CLUL1: variants seen among roughly 807,000 people sequenced by gnomAD.
CLUL1 encodes clusterin like 1, also known as clusterin-like protein 1.
CLUL1 carries 43 observed loss-of-function variants against 49.4 expected under a neutral mutation model. The observed-to-expected ratio is 0.87, with a 90% CI of 0.68 to 1.12. The LOEUF (loss-of-function observed/expected upper bound fraction) is 1.12. CLUL1 is among the 50% of genes most tolerant of loss of function. The pLI, the probability that CLUL1 is intolerant of heterozygous loss-of-function variation, is 0.00. For synonymous variants in CLUL1, 192 were observed against 184.9 expected (o/e 1.04, Z -0.31); for missense variants, 486 against 544.4 (o/e 0.89, Z 1.07).
At chr18:600,085 T>C (rs1299116904) in intron 1 of CLUL1, among the ~76,000 whole-genome samples, 1 of 152,190 alleles carries the variant, frequency 6.6e-6, no homozygotes, top group African/African-American at 2.4e-5. Context: ...TGTTGTTAGA[T>C]GGATGATCAC....
At chr18:635,376 G>A (rs959326156) in intron 7 of CLUL1, among the ~76,000 whole-genome samples, 2 of 152,142 alleles carry the variant, frequency 1.3e-5, no homozygotes, top group Admixed American at 6.5e-5. Flanking sequence ...GACAGCAGGC[G>A]GGGCTCAGGC....
chr18:634,265 G>A (rs1476781760), intron 7 of CLUL1, among the ~76,000 whole-genome samples: 3 of 152,106 alleles, frequency 2.0e-5, no homozygotes, highest in African/African-American at 7.2e-5. Flanking sequence ...AAGTAGCTGG[G>A]ATTACAGGCA....
Position 641,569 on chromosome 18 carries a change from G to A in CLUL1, c.1209+28G>A, listed in dbSNP as rs116096238. 2.9e-3 allele frequency: 4,525 copies of A among 1,567,668 alleles called. 104 individuals carry two copies. In the African/African-American group the frequency reaches 0.048, roughly 17 times the overall value. ...AAAGGAGAGACCCAAGAGCAGATAC[G>A]GAAATGACACGTGCATACCTTGATT... On this transcript the variant is annotated intron_variant, in intron 8 of 9. Coordinates refer to ENST00000692774, the MANE Select transcript of CLUL1 (RefSeq NM_001393344.1).
At chr18:649,806 A>G in intron 9 of CLUL1, 92 bp from the exon 10 acceptor site, 1 of 852,796 alleles carries the variant, frequency 1.2e-6, no homozygotes, top group South Asian at 1.5e-5. Context: ...TCTATTACCC[A>G]TCCTGGACTT....
chr18:616,921 A>G (rs1224278772), intron 2 of CLUL1, among the ~76,000 whole-genome samples: 7 of 152,248 alleles, frequency 4.6e-5, no homozygotes, highest in African/African-American at 1.4e-4. Flanking sequence ...ATGTTGATCA[A>G]ATAATGGAGG....
At chr18:602,042 G>A (rs931548258) in intron 1 of CLUL1, among the ~76,000 whole-genome samples, 3 of 151,980 alleles carry the variant, frequency 2.0e-5, no homozygotes, top group Admixed American at 1.3e-4. Flanking sequence ...GCAACAAAGC[G>A]AGACCTCATC....
At chr18:598,919 A>C (rs776959200) in intron 1 of CLUL1, among the ~76,000 whole-genome samples, 54 of 152,244 alleles carry the variant, frequency 3.5e-4, no homozygotes, top group Non-Finnish European at 7.2e-4. Context: ...TAAACTTTAA[A>C]AATATGTCCA....
chr18:638,777 G>A (rs1052666963), intron 7 of CLUL1, among the ~76,000 whole-genome samples: 8 of 151,932 alleles, frequency 5.3e-5, no homozygotes, highest in Non-Finnish European at 8.8e-5. Context: ...AGAATCGCTT[G>A]AAACCAGAAG....
At chr18:605,143 G>C (rs770394988) in intron 1 of CLUL1, among the ~76,000 whole-genome samples, 28 of 152,146 alleles carry the variant, frequency 1.8e-4, no homozygotes, top group Non-Finnish European at 3.5e-4. Flanking sequence ...ACTTAAAATG[G>C]TGTTTGTTTT....
At chr18:603,396 T>C (rs572737866) in intron 1 of CLUL1, among the ~76,000 whole-genome samples, 2 of 151,690 alleles carry the variant, frequency 1.3e-5, no homozygotes, top group Admixed American at 1.3e-4. Context: ...AGTAGGGAGG[T>C]AAATGAGGAG....
chr18:631,855 C>T (rs980239360), intron 6 of CLUL1, among the ~76,000 whole-genome samples: 2 of 152,134 alleles, frequency 1.3e-5, no homozygotes, highest in African/African-American at 4.8e-5. Context: ...GCAAACACTA[C>T]ATAAAGCAGG....
At chr18:626,917 A>AG (rs1567966544) in intron 5 of CLUL1, among the ~76,000 whole-genome samples, 180 bp from the exon 6 acceptor site, 11 of 1,074 alleles carry the variant, frequency 0.01, 3 homozygotes, top group African/African-American at 9.8e-3. Flanking sequence ...GAAAGAAAGA[A>AG]AGAAAGAAAG....
rs1490328018 is a variant in CLUL1, at chr18:645,807, AAAAATATATATATATATATAT to A, written c.1397+712_1397+732del. ...AGACTCTGTTTAAAAAAAAAAAAAA[AAAAATATATATATATATATAT>A]ATATATATATATATATATATATATG... is the stretch of plus-strand genomic sequence containing the variant. On this transcript the variant is annotated intron_variant, in intron 9 of 9. Coordinates refer to ENST00000692774, the MANE Select transcript of CLUL1 (RefSeq NM_001393344.1). Among the ~76,000 whole-genome samples, 23 of 69,164 alleles carry A rather than the reference AAAAATATATATATATATATAT, an allele frequency of 3.3e-4. 1 individual carries two copies. The highest frequency in any genetic ancestry group is 1.6e-4 in the Non-Finnish European group (6 of 37,332). 45.4% of individuals were successfully genotyped at this position (69,164 alleles called of 152,430 possible). A position where few individuals can be genotyped will look rare whatever the true frequency, so the allele number is the denominator to read the frequency against.
rs1296498407 is a variant in CLUL1, at chr18:618,813, TGAAA to T, written c.107-393_107-390del. ...TGCCTCCTTATTAGGTAACTGAAGC[TGAAA>T]GAAAGAGAAATTGCTGACTGTGTTT... On this transcript the variant is annotated intron_variant, in intron 3 of 9. Coordinates refer to ENST00000692774, the MANE Select transcript of CLUL1 (RefSeq NM_001393344.1). The surrounding 1 kb of genome is among the most constrained non-coding windows in gnomAD (Gnocchi z 4.2). Among the ~76,000 whole-genome samples, 2 of 152,134 alleles carry T rather than the reference TGAAA, an allele frequency of 1.3e-5. No homozygotes were observed. The highest frequency in any genetic ancestry group is 2.1e-4 in the South Asian group (1 of 4,814).
At chr18:633,227 C>T (rs192554709) in intron 6 of CLUL1, 71 bp from the exon 7 acceptor site, 42 of 1,307,684 alleles carry the variant, frequency 3.2e-5, no homozygotes, top group East Asian at 2.8e-4. Context: ...GAAAAAGCTG[C>T]GGCATTGTCT....
intron 9 of CLUL1, among the ~76,000 whole-genome samples, chr18:649,178 GAA>G (rs916306077): frequency 6.6e-6 from 1 of 152,058 alleles, no homozygotes; most frequent in Non-Finnish European, 1.5e-5. Context: ...AGTTTAAAGA[GAA>G]AGATACTAAG....
In CLUL1 at chr18:645,014, T is replaced by C; in HGVS notation, c.1314T>C (p.Leu438=). ...CTAATTTCACACTCAAGATCCCTCT[T>C]GAAGAAAGTGCTGAGAGTTCTAACT... ...PSSNFTLKIP[L]EESAESSNFI... The change falls in exon 9 of 10, where the codon CTT becomes CTC. Residue 438 remains leucine (L), a synonymous_variant. Transcript: ENST00000692774. 6.2e-7 allele frequency: 1 copy of C among 1,613,792 alleles called. No individual in the cohort carries two copies. The highest frequency in any genetic ancestry group is 1.1e-5 in the South Asian group (1 of 90,962).
At position 645,051 on chromosome 18, in the gene CLUL1, G is replaced by A. The variant is rs199548152; in HGVS notation, c.1351G>A (p.Val451Ile). 641 of 1,611,282 alleles carry A rather than the reference G, an allele frequency of 4.0e-4. No individual in the cohort carries two copies. The highest frequency in any genetic ancestry group is 4.6e-4 in the Non-Finnish European group (543 of 1,178,904). ...SAESSNFIGYVVAKALQHFKE... is the reference protein window; with the variant it reads ...SAESSNFIGYIVAKALQHFKE... The stretch of plus-strand genomic sequence containing the variant: ...TGAGAGTTCTAACTTCATTGGCTAC[G>A]TAGTGGCAAAAGCTCTACAGCATTT... The change falls in exon 9 of 10, where the codon GTA becomes ATA. Residue 451 changes from valine (V) to isoleucine (I), a missense_variant. Coordinates refer to ENST00000692774, the MANE Select transcript of CLUL1 (RefSeq NM_001393344.1).
In CLUL1 at chr18:627,222, GTTCA is replaced by G; in HGVS notation, c.550_553del (p.Phe184AlafsTer3). On this transcript the variant is annotated frameshift_variant, in exon 6 of 10. Coordinates refer to ENST00000692774, the MANE Select transcript of CLUL1 (RefSeq NM_001393344.1). LOFTEE classifies it high-confidence loss of function. ...CACAATTGACCCAAATGGAGGATGT[GTTCA>G]GCCAGTTGACTGTGGATGTGAATTC... 6.2e-7 allele frequency: 1 copy of G among 1,613,958 alleles called. No homozygotes were observed. Among genetic ancestry groups the G allele is most frequent in the South Asian group, 1.1e-5 (1 of 91,066 alleles).
Sources: gnomAD v4.1 joint callset for allele counts (sites outside exome capture counted in the v4.1 genomes callset) on GRCh38, gnomAD v4.1.1 for gene constraint, Gnocchi (gnomAD v3.1) non-coding constraint, MANE v1.5 for transcripts, NCBI Gene and HGNC (gene_info 2026-07-23, HGNC 2026-07-21) for gene names.